Variants in REDIC1 observed in about 807,000 individuals in gnomAD.
REDIC1 encodes regulator of DNA class I crossover intermediates 1.
chr12:39,722,108 A>T, the REDIC1 span, among the ~76,000 whole-genome samples: 1 of 152,132 alleles, frequency 6.6e-6, no homozygotes, highest in South Asian at 2.1e-4. Flanking sequence ...AACCCAAAAT[A>T]AAATTGTTAG....
chr12:39,890,283 A>G, the REDIC1 span, among the ~76,000 whole-genome samples: 22 of 152,358 alleles, frequency 1.4e-4, no homozygotes, highest in East Asian at 4.2e-3. Flanking sequence ...GAAGTTCATT[A>G]GAGCATCATT....
At chr12:39,830,386 AGGTGAGAGCTGGCT>A in the REDIC1 span, 1 of 1,391,758 alleles carries the variant, frequency 7.2e-7, no homozygotes, top group Non-Finnish European at 9.3e-7. Flanking sequence ...GCGCTGAGCC[AGGTGAGAGCTGGCT>A]GGTCTCTTCG....
At chr12:39,651,299 T>G in the REDIC1 span, among the ~76,000 whole-genome samples, 1 of 152,284 alleles carries the variant, frequency 6.6e-6, no homozygotes, top group Non-Finnish European at 1.5e-5. Flanking sequence ...CTGTGGGTTA[T>G]AGACCGACCA....
At chr12:39,705,983 A>G in the REDIC1 span, among the ~76,000 whole-genome samples, 2 of 152,032 alleles carry the variant, frequency 1.3e-5, no homozygotes, top group African/African-American at 4.8e-5. Flanking sequence ...ATGAGACAAG[A>G]GAAAGAAATA....
At chr12:39,891,986 AG>A in the REDIC1 span, among the ~76,000 whole-genome samples, 1 of 152,196 alleles carries the variant, frequency 6.6e-6, no homozygotes, top group Non-Finnish European at 1.5e-5. Flanking sequence ...TTTTTTTACT[AG>A]GTTTAATCAA....
the REDIC1 span, among the ~76,000 whole-genome samples, chr12:39,874,847 T>G: frequency 2.0e-5 from 3 of 152,146 alleles, no homozygotes; most frequent in African/African-American, 7.2e-5. Context: ...CTGACTGAAC[T>G]AAAGGTATAT....
At chr12:39,859,539 T>G in the REDIC1 span, among the ~76,000 whole-genome samples, 5 of 152,080 alleles carry the variant, frequency 3.3e-5, no homozygotes, top group South Asian at 1.0e-3. Flanking sequence ...GTTTGCTTTT[T>G]AAGACAGAGT....
At chr12:39,870,218 T>G in the REDIC1 span, among the ~76,000 whole-genome samples, 1,542 of 152,288 alleles carry the variant, frequency 0.01, 17 homozygotes, top group African/African-American at 0.035. Flanking sequence ...CTTCTTGAGG[T>G]AGCAATATAC....
At chr12:39,690,730 A>G in the REDIC1 span, among the ~76,000 whole-genome samples, 30 of 152,182 alleles carry the variant, frequency 2.0e-4, no homozygotes, top group Admixed American at 2.0e-4. Flanking sequence ...CTATTGGAGC[A>G]AAGACCATAT....
At chr12:39,698,454 TG>T in the REDIC1 span, among the ~76,000 whole-genome samples, 2 of 152,162 alleles carry the variant, frequency 1.3e-5, no homozygotes, top group Non-Finnish European at 2.9e-5. Flanking sequence ...GAAAGAACAC[TG>T]ATGAAAAACC....
the REDIC1 span, chr12:39,626,468 A>G: frequency 7.1e-6 from 10 of 1,413,664 alleles, 1 homozygote; most frequent in South Asian, 1.1e-4. Context: ...TTGGTAGGAA[A>G]GGGTCTTTTT....
At chr12:39,708,430 T>C in the REDIC1 span, among the ~76,000 whole-genome samples, 2 of 151,902 alleles carry the variant, frequency 1.3e-5, no homozygotes, top group African/African-American at 4.8e-5. Flanking sequence ...AGAAGACTTA[T>C]CTTCTTTATG....
the REDIC1 span, among the ~76,000 whole-genome samples, chr12:39,773,587 A>G: frequency 6.6e-6 from 1 of 152,246 alleles, no homozygotes; most frequent in Non-Finnish European, 1.5e-5. Context: ...AAGGAACTTA[A>G]GCAGTGCAAA....
At chr12:39,767,641 A>G in the REDIC1 span, among the ~76,000 whole-genome samples, 17 of 152,008 alleles carry the variant, frequency 1.1e-4, no homozygotes, top group Admixed American at 9.2e-4. Flanking sequence ...GTTGTTTAGT[A>G]TAGCCACCTG....
At chr12:39,785,034 G>C in the REDIC1 span, among the ~76,000 whole-genome samples, 269 of 152,332 alleles carry the variant, frequency 1.8e-3, no homozygotes, top group African/African-American at 6.3e-3. Context: ...TTATGATGTA[G>C]TAGAATAGAA....
chr12:39,760,687 G>A, the REDIC1 span, among the ~76,000 whole-genome samples: 1 of 151,714 alleles, frequency 6.6e-6, no homozygotes, highest in Non-Finnish European at 1.5e-5. Context: ...TTCTTAATTT[G>A]TTTTTCATTT....
At chr12:39,889,190 C>T in the REDIC1 span, among the ~76,000 whole-genome samples, 1 of 152,072 alleles carries the variant, frequency 6.6e-6, no homozygotes, top group Non-Finnish European at 1.5e-5. Flanking sequence ...TTCTGCAGAT[C>T]ATATATATCT....
the REDIC1 span, among the ~76,000 whole-genome samples, chr12:39,823,693 C>T: frequency 6.6e-6 from 1 of 152,168 alleles, no homozygotes; most frequent in African/African-American, 2.4e-5. Flanking sequence ...AAGTGATCCT[C>T]CTGCTTTCAC....
chr12:39,706,761 C>T, the REDIC1 span, among the ~76,000 whole-genome samples: 2 of 151,926 alleles, frequency 1.3e-5, no homozygotes, highest in Admixed American at 6.6e-5. Flanking sequence ...TGGGAAAAGA[C>T]AGTCTCTTCA....
Sources: gnomAD v4.1 joint callset for allele counts (sites outside exome capture counted in the v4.1 genomes callset) on GRCh38, gnomAD v4.1.1 for gene constraint, MANE v1.5 for transcripts, NCBI Gene and HGNC (gene_info 2026-07-23, HGNC 2026-07-21) for gene names.